Variants in UTP20 observed in about 807,000 individuals in gnomAD.
UTP20 encodes UTP20 small subunit processome component, also known as small subunit processome component 20 homolog.
A neutral mutation model predicts 329.5 loss-of-function variants in UTP20; 164 were observed. The ratio of observed to expected loss-of-function variants is 0.50; its 90% confidence interval spans 0.44 to 0.57. The LOEUF (loss-of-function observed/expected upper bound fraction) is 0.57. Ranked by LOEUF, UTP20 falls within the 20% of genes least tolerant of loss-of-function variation. The pLI, the probability that UTP20 is intolerant of heterozygous loss-of-function variation, is 0.00. For synonymous variants in UTP20, 1,151 were observed against 1,159.3 expected, an observed-to-expected ratio of 0.99 and a Z score of 0.14; for missense variants, 3,055 against 3,284.2, an observed-to-expected ratio of 0.93 and a Z score of 1.71.
intron 33 of UTP20, 77 bp from the exon 34 acceptor site, chr12:101,342,710 A>G (rs766605822): frequency 3.2e-6 from 5 of 1,539,022 alleles, no homozygotes; most frequent in South Asian, 1.2e-5. Flanking sequence ...TTGAATGGGG[A>G]CAGGTAGCTG....
rs17031249 is a variant in UTP20 at position 101,309,689 on chromosome 12, T to C, written c.2155-74T>C. ...AAACCTCAGGTTGTCCAACTTGGGA[T>C]GTTTGCATTTCAGTACTTCTGTTCT... On this transcript the variant is annotated intron_variant, in intron 18 of 61. Coordinates refer to ENST00000261637, the MANE Select transcript of UTP20 (RefSeq NM_014503.3). 6.5e-3 allele frequency: 9,367 copies of C among 1,437,744 alleles called. 543 individuals carry two copies. In the African/African-American group the frequency reaches 0.11, roughly 17 times the overall value. 89.1% of individuals were successfully genotyped at this position (1,437,744 alleles called of 1,614,324 possible).
chr12:101,336,035 A>G (rs1331387037), intron 29 of UTP20, among the ~76,000 whole-genome samples: 2 of 152,342 alleles, frequency 1.3e-5, no homozygotes, highest in South Asian at 2.1e-4. Flanking sequence ...GAAGGTATTG[A>G]GCCACATTGT....
At chr12:101,337,068 C>A (rs900710691) in intron 29 of UTP20, among the ~76,000 whole-genome samples, 3 of 152,248 alleles carry the variant, frequency 2.0e-5, no homozygotes, top group Non-Finnish European at 4.4e-5. Context: ...AATCCTAGCA[C>A]CACTGTGCGT....
At chr12:101,290,581 TG>T in intron 7 of UTP20, 151 bp from the exon 8 acceptor site, 1 of 823,728 alleles carries the variant, frequency 1.2e-6, no homozygotes, top group Non-Finnish European at 1.7e-6. Flanking sequence ...AAGTTCCTTT[TG>T]GGACACGTTA....
At position 101,374,792 on chromosome 12, in the gene UTP20, G is replaced by T. The variant is rs1290782323; in HGVS notation, c.7132-16G>T. The T allele has an allele frequency of 1.1e-6, 1 of 917,672 alleles. No individual in the cohort carries two copies. Among genetic ancestry groups the T allele is most frequent in the African/African-American group, 1.6e-5 (1 of 62,002 alleles). 56.8% of individuals were successfully genotyped at this position (917,672 alleles called of 1,614,324 possible). On this transcript the variant is annotated splice_polypyrimidine_tract_variant and intron_variant, in intron 54 of 61. Transcript: ENST00000261637. Reference sequence around the variant, plus strand: ...CCAAGTTCTCTTGACATTGTCTTGTGGTTTATTTTTGGTAGCGCTTAAATA... The same window carrying T: ...CCAAGTTCTCTTGACATTGTCTTGTTGTTTATTTTTGGTAGCGCTTAAATA...
chr12:101,366,617 C>T lies in UTP20; in HGVS notation c.6185C>T (p.Pro2062Leu). The T allele has an allele frequency of 2.5e-6, 4 of 1,614,152 alleles. No individual in the cohort carries two copies. Among genetic ancestry groups the T allele is most frequent in the Non-Finnish European group, 2.5e-6 (3 of 1,180,026 alleles). Residue 2062 changes from proline (P) to leucine (L), a missense_variant, in exon 47 of 62, where the codon CCC becomes CTC. Pro to Leu is a moderately conservative substitution (Grantham distance 98, BLOSUM62 -3). Around this residue, in one of 3 missense-constraint regions of UTP20, gnomAD observed 2,445 missense variants for 2,575.5 expected, o/e 0.95. Transcript: ENST00000261637. ...RLPPQSCLLLPPTPVRGGQKA... is the reference protein window; with the variant it reads ...RLPPQSCLLLLPTPVRGGQKA... The stretch of plus-strand genomic sequence containing the variant: ...CCACCCCAGAGCTGCCTTCTGCTTC[C>T]CCCAACTCCAGTTCGAGGTGGACAG...
At position 101,300,009 on chromosome 12, in the gene UTP20, C is replaced by T. The variant is rs747505034; in HGVS notation, c.1623C>T (p.Thr541=). 6.2e-6 allele frequency: 10 copies of T among 1,614,114 alleles called. No homozygotes were observed. The highest frequency in any genetic ancestry group is 2.2e-5 in the East Asian group (1 of 44,868). Residue 541 remains threonine (T), a synonymous_variant, in exon 14 of 62, where the codon ACC becomes ACT. Transcript: ENST00000261637. The part of the protein sequence containing the change: ...LEKEKVIPLV[T]GFIEALFMTV... ...AAGAGAAGGTGATACCACTCGTCAC[C>T]GGCTTCATAGAGGCACTCTTCATGA...
chr12:101,290,038 A>G, intron 6 of UTP20, 99 bp from the exon 7 acceptor site: 1 of 934,632 alleles, frequency 1.1e-6, no homozygotes, highest in Non-Finnish European at 1.5e-6. Context: ...TTTCCTAAGT[A>G]TATTTAAATA....
chr12:101,344,784 G>A, intron 36 of UTP20, 34 bp downstream of exon 36: 1 of 1,594,968 alleles, frequency 6.3e-7, no homozygotes, highest in Non-Finnish European at 8.6e-7. Context: ...ACTACTGTCT[G>A]AGGCTGTGTT....
chr12:101,344,656 T>C lies in UTP20; in HGVS notation c.4511T>C (p.Leu1504Pro), dbSNP rs757630101. 1.3e-6 allele frequency: 2 copies of C among 1,531,628 alleles called. No individual in the cohort carries two copies. The highest frequency in any genetic ancestry group is 2.7e-5 in the African/African-American group (2 of 73,396). 94.9% of individuals were successfully genotyped at this position (1,531,628 alleles called of 1,614,324 possible). Reference protein sequence around the residue: ...SMCLMSIIKKLAALNVTEKDY... With the variant: ...SMCLMSIIKKPAALNVTEKDY... ...TGCCTGATGAGTATCATCAAAAAGC[T>C]AGCTGCCTTGAATGTCACAGAGAAA... Residue 1504 changes from leucine (L) to proline (P), a missense_variant, in exon 36 of 62, where the codon CTA becomes CCA. Leu to Pro is a moderately conservative substitution (Grantham distance 98). This residue lies in a region of UTP20 where 2,445 missense variants were observed against 2,575.5 expected (regional missense o/e 0.95). Transcript: ENST00000261637.
At chr12:101,368,725 T>C (rs1002164285) in intron 48 of UTP20, among the ~76,000 whole-genome samples, 1 of 152,224 alleles carries the variant, frequency 6.6e-6, no homozygotes, top group Non-Finnish European at 1.5e-5. Context: ...GCATATATTC[T>C]TACTATTTAT....
At chr12:101,382,903 A>G (rs950331621) in intron 58 of UTP20, 138 bp from the exon 59 acceptor site, 6 of 946,156 alleles carry the variant, frequency 6.3e-6, no homozygotes, top group Non-Finnish European at 8.9e-6. Context: ...ATCATTTAAT[A>G]GTTGTTAAAT....
At chr12:101,305,781 G>T (rs548703488) in intron 15 of UTP20, 134 bp from the exon 16 acceptor site, 3 of 1,018,000 alleles carry the variant, frequency 2.9e-6, no homozygotes, top group African/African-American at 3.3e-5. Flanking sequence ...AAGTGAGCCA[G>T]ATATCCACGT....
rs561090435 is a variant in UTP20 at position 101,289,773 on chromosome 12, A to G, written c.598-364A>G. The G allele has an allele frequency of 2.2e-3, 332 of 152,542 alleles. 1 individual carries two copies. Among genetic ancestry groups the G allele is most frequent in the Non-Finnish European group, 3.9e-3 (263 of 68,162 alleles). The allele number at this position is 152,542 out of a possible 1,614,324, so 9.4% of individuals were successfully genotyped here. ...GTATAAAATATTCATAGTAAATTTT[A>G]GAGGGTTTTTGTAATAAAACAAAAA... On this transcript the variant is annotated intron_variant, in intron 6 of 61. Transcript: ENST00000261637.
chr12:101,356,963 G>A lies in UTP20; in HGVS notation c.5572G>A (p.Ala1858Thr), dbSNP rs752244186. The A allele has an allele frequency of 3.1e-6, 5 of 1,613,864 alleles. No homozygotes were observed. The South Asian group carries it at 5.5e-5, about 18-fold the overall frequency. ...LKVCALLKNR[A>T]QEIRDIARST... Reference sequence around the variant, plus strand: ...AGTGTGTGCCCTACTCAAGAACAGAGCCCAAGAAATCAGAGACATTGCACG... The same window carrying A: ...AGTGTGTGCCCTACTCAAGAACAGAACCCAAGAAATCAGAGACATTGCACG... The change falls in exon 43 of 62, where the codon GCC (alanine) becomes ACC (threonine). Residue 1858 changes from alanine (A) to threonine (T), a missense_variant. By Grantham distance (58) the Ala-to-Thr change is moderately conservative (BLOSUM62 0). Coordinates refer to ENST00000261637, the MANE Select transcript of UTP20 (RefSeq NM_014503.3).
intron 2 of UTP20, 90 bp from the exon 3 acceptor site, chr12:101,285,480 T>A: frequency 7.3e-7 from 1 of 1,368,664 alleles, no homozygotes; most frequent in Non-Finnish European, 1.0e-6. Context: ...AGTATCATTG[T>A]CTTAAGATAT....
chr12:101,367,944 C>G lies in UTP20; in HGVS notation c.6352C>G (p.Leu2118Val). 6.2e-7 allele frequency: 1 copy of G among 1,613,612 alleles called. No homozygotes were observed. Among genetic ancestry groups the G allele is most frequent in the Non-Finnish European group, 8.5e-7 (1 of 1,179,634 alleles). The change falls in exon 48 of 62, where the codon CTC becomes GTC. Residue 2118 changes from leucine to valine, a missense_variant. Transcript: ENST00000261637. The stretch of plus-strand genomic sequence containing the variant: ...AATGCTGGATCCTTTTGTGTCTCTC[C>G]TCATAGACTGCCTGGGCTCCATGGA... ...LEMLDPFVSL[L>V]IDCLGSMDVK...
intron 43 of UTP20, among the ~76,000 whole-genome samples, chr12:101,359,341 C>T (rs1016602902): frequency 6.6e-6 from 1 of 152,150 alleles, no homozygotes; most frequent in Non-Finnish European, 1.5e-5. Flanking sequence ...GCTGGGATTA[C>T]AGGCGTGAGC....
At chr12:101,298,937 G>A (rs562761372) in intron 12 of UTP20, among the ~76,000 whole-genome samples, 101 of 151,680 alleles carry the variant, frequency 6.7e-4, no homozygotes, top group Non-Finnish European at 1.0e-3. Flanking sequence ...GATAAAAAGG[G>A]TGCAAGAGTA....
Sources: gnomAD v4.1 joint callset for allele counts (sites outside exome capture counted in the v4.1 genomes callset) on GRCh38, gnomAD v4.1.1 for gene constraint, gnomAD v4.1.1 regional missense constraint, MANE v1.5 for transcripts, NCBI Gene and HGNC (gene_info 2026-07-23, HGNC 2026-07-21) for gene names.